The following CRACR2A variants were observed in gnomAD, a reference collection of about 807,000 sequenced individuals.
CRACR2A encodes the protein EF-hand calcium-binding domain-containing protein 4B.
Under a neutral mutation model 90.5 loss-of-function variants are expected in CRACR2A, and 79 were observed. The ratio of observed to expected loss-of-function variants is 0.87; its 90% confidence interval spans 0.73 to 1.05. The LOEUF (loss-of-function observed/expected upper bound fraction) is 1.05. Among genes scored for constraint, CRACR2A ranks in the 50% least tolerant of loss-of-function variants. The pLI is 0.00. For synonymous variants in CRACR2A, 338 were observed against 356.7 expected (o/e 0.95, Z 0.59); for missense variants, 823 against 897.2 (o/e 0.92, Z 1.06).
chr12:3,620,611 C>T (rs1020553999), intron 17 of CRACR2A, among the ~76,000 whole-genome samples: 1 of 152,192 alleles, frequency 6.6e-6, no homozygotes, highest in African/African-American at 2.4e-5. Flanking sequence ...AAAGAACATT[C>T]AACACCATAA....
intron 6 of CRACR2A, among the ~76,000 whole-genome samples, chr12:3,677,387 C>A (rs1945355936): frequency 6.6e-6 from 1 of 152,104 alleles, no homozygotes; most frequent in African/African-American, 2.4e-5. Flanking sequence ...CTCTTGAAAC[C>A]TCCACAAAAC....
At chr12:3,745,825 T>TAAAATAAAAAAAAATAAAATAAAG (rs149739964) in intron 1 of CRACR2A, among the ~76,000 whole-genome samples, 1 of 100,486 alleles carries the variant, frequency 1.0e-5, no homozygotes, top group Non-Finnish European at 2.0e-5. Flanking sequence ...TAAAATAAAA[T>TAAAATAAAAAAAAATAAAATAAAG]AAAGAAAGAA....
chr12:3,656,247 C>A, intron 9 of CRACR2A, 64 bp downstream of exon 9: 1 of 1,512,904 alleles, frequency 6.6e-7, no homozygotes, highest in South Asian at 1.1e-5. Context: ...GGAAAGTGGG[C>A]AAGAGGCAGA....
At chr12:3,646,100 G>A (rs545790592) in intron 11 of CRACR2A, among the ~76,000 whole-genome samples, 1 of 152,306 alleles carries the variant, frequency 6.6e-6, no homozygotes, top group African/African-American at 2.4e-5. Flanking sequence ...TTCCAGCTGT[G>A]AAACAGGAGC....
At chr12:3,685,877 G>A (rs1945543966) in intron 4 of CRACR2A, among the ~76,000 whole-genome samples, 1 of 152,202 alleles carries the variant, frequency 6.6e-6, no homozygotes, top group Non-Finnish European at 1.5e-5. Flanking sequence ...TGGTTACAAT[G>A]GTAAATTGTG....
At chr12:3,623,686 G>T (rs1169837401) in intron 17 of CRACR2A, among the ~76,000 whole-genome samples, 6 of 152,182 alleles carry the variant, frequency 3.9e-5, no homozygotes, top group Non-Finnish European at 8.8e-5. Flanking sequence ...AAGACTGCCT[G>T]CGGTGACTTC....
At position 3,648,225 on chromosome 12, in the gene CRACR2A, T is replaced by C. The variant is rs1287803478; in HGVS notation, c.1118+317A>G. 3.2e-6 allele frequency: 4 copies of C among 1,231,676 alleles called. No individual in the cohort carries two copies. The African/African-American group carries it at 6.0e-5, about 19-fold the overall frequency. The allele number at this position is 1,231,676 out of a possible 1,614,324, so 76.3% of individuals were successfully genotyped here. ...ACGAGATAATATTTCTAGCATAGAT[T>C]AAATGCTCATTAAACCCAGCTCTGC... On this transcript the variant is annotated intron_variant, in intron 11 of 19. Transcript: ENST00000440314.
At chr12:3,662,355 T>C (rs1945051896) in intron 7 of CRACR2A, among the ~76,000 whole-genome samples, 1 of 152,204 alleles carries the variant, frequency 6.6e-6, no homozygotes, top group African/African-American at 2.4e-5. Context: ...CGAGAAGACT[T>C]GCATTCTGAT....
At chr12:3,678,791 C>A in intron 6 of CRACR2A, 124 bp downstream of exon 6, 1 of 1,114,096 alleles carries the variant, frequency 9.0e-7, no homozygotes. Flanking sequence ...CGGGCCTTTA[C>A]CTGCACTGCA....
chr12:3,720,026 G>A (rs1454585822), intron 2 of CRACR2A, among the ~76,000 whole-genome samples: 1 of 151,812 alleles, frequency 6.6e-6, no homozygotes. Context: ...AGCTGAGGCA[G>A]GAGAATCGCT....
At chr12:3,653,353 C>T (rs1011487241) in intron 10 of CRACR2A, among the ~76,000 whole-genome samples, 19 of 152,148 alleles carry the variant, frequency 1.2e-4, no homozygotes, top group African/African-American at 3.6e-4. Flanking sequence ...ATGCCCAGCA[C>T]GGTACCTAGC....
At chr12:3,673,070 G>A (rs895963476) in intron 7 of CRACR2A, among the ~76,000 whole-genome samples, 2 of 152,164 alleles carry the variant, frequency 1.3e-5, no homozygotes, top group Non-Finnish European at 2.9e-5. Context: ...CCCAGTCCTG[G>A]CTCTACTGTT....
intron 5 of CRACR2A, among the ~76,000 whole-genome samples, chr12:3,679,785 C>T (rs763353050): frequency 1.4e-4 from 22 of 152,184 alleles, no homozygotes; most frequent in Non-Finnish European, 3.2e-4. Flanking sequence ...CTAGTCTGTT[C>T]AAACCTTCTA....
chr12:3,696,649 C>T (rs1005523923), intron 4 of CRACR2A, 123 bp downstream of exon 4: 7 of 1,402,462 alleles, frequency 5.0e-6, no homozygotes, highest in Middle Eastern at 2.0e-4. Context: ...ATCCTTCCTT[C>T]CAAGACAGAA....
intron 4 of CRACR2A, among the ~76,000 whole-genome samples, chr12:3,689,739 A>C (rs893973674): frequency 6.7e-6 from 1 of 148,998 alleles, no homozygotes; most frequent in Admixed American, 6.7e-5. Flanking sequence ...CTCCTCCTCA[A>C]TTTTTTTTAA....
chr12:3,748,674 C>G (rs1946659677), intron 1 of CRACR2A, among the ~76,000 whole-genome samples: 1 of 152,208 alleles, frequency 6.6e-6, no homozygotes, highest in African/African-American at 2.4e-5. Flanking sequence ...CTGTATCTAA[C>G]TCAGCCTTCA....
intron 15 of CRACR2A, among the ~76,000 whole-genome samples, chr12:3,629,544 C>T (rs780641556): frequency 6.6e-6 from 1 of 152,218 alleles, no homozygotes; most frequent in Non-Finnish European, 1.5e-5. Flanking sequence ...CAGTGCTGCC[C>T]GAGGACAGAG....
chr12:3,674,555 A>C (rs1945307558), intron 6 of CRACR2A, among the ~76,000 whole-genome samples: 1 of 152,196 alleles, frequency 6.6e-6, no homozygotes, highest in South Asian at 2.1e-4. Context: ...ATAATTTCTC[A>C]CAGCTAGCAG....
intron 3 of CRACR2A, among the ~76,000 whole-genome samples, chr12:3,710,786 C>T (rs1387689523): frequency 7.3e-6 from 1 of 136,964 alleles, no homozygotes; most frequent in African/African-American, 2.7e-5. Context: ...AGCGAGGCTC[C>T]ACCGCAAAAA....
Sources: allele counts gnomAD v4.1 joint callset (sites outside exome capture counted in the v4.1 genomes callset), GRCh38; gene constraint gnomAD v4.1.1; transcripts MANE v1.5; gene names NCBI Gene and HGNC (gene_info 2026-07-23, HGNC 2026-07-21).